XPO5: variants seen among roughly 807,000 people sequenced by gnomAD.
XPO5 encodes exportin-5.
Under a neutral mutation model 160.6 loss-of-function variants are expected in XPO5, and 46 were observed. The ratio of observed to expected loss-of-function variants is 0.29; its 90% confidence interval spans 0.23 to 0.37. The LOEUF (loss-of-function observed/expected upper bound fraction) is 0.37. Ranked by LOEUF, XPO5 falls within the 10% of genes least tolerant of loss-of-function variation. The pLI, the probability that XPO5 is intolerant of heterozygous loss-of-function variation, is 1.00. For missense variants in XPO5, 1,090 were observed against 1,463.9 expected (o/e 0.74, Z 4.17); for synonymous variants, 537 against 519.3 (o/e 1.03, Z -0.46).
chr6:43,552,728 C>T (rs964539640), intron 14 of XPO5, among the ~76,000 whole-genome samples: 1 of 152,120 alleles, frequency 6.6e-6, no homozygotes, highest in African/African-American at 2.4e-5. Flanking sequence ...TTTAGTAAAT[C>T]CTCATCTGCC....
chr6:43,529,909 C>A (rs1310005886), intron 23 of XPO5, among the ~76,000 whole-genome samples: 988 of 96,892 alleles, frequency 0.01, no homozygotes, highest in East Asian at 0.014. Flanking sequence ...GACCCTGTCT[C>A]AAAAAAAAAA....
Position 43,560,183 on chromosome 6 carries a change from C to A in XPO5, c.1216G>T (p.Val406Phe). The change falls in exon 11 of 32, where the codon GTC becomes TTC. Residue 406 changes from valine (V) to phenylalanine (F), a missense_variant. By Grantham distance (50) the Val-to-Phe change is conservative (BLOSUM62 -1). Coordinates refer to ENST00000265351, the MANE Select transcript of XPO5 (RefSeq NM_020750.3). Reference protein sequence around the residue: ...KYLRASMTNLVKMGFPSKTDS... With the variant: ...KYLRASMTNLFKMGFPSKTDS... ...TTTAGATTCCCATTATATACCTTGACCAAGTTAGTCATGGAAGCACGAAGA... is the reference window on the plus strand; with the variant it reads ...TTTAGATTCCCATTATATACCTTGAACAAGTTAGTCATGGAAGCACGAAGA... The A allele has an allele frequency of 6.2e-7, 1 of 1,612,526 alleles. No individual in the cohort carries two copies. The highest frequency in any genetic ancestry group is 8.5e-7 in the Non-Finnish European group (1 of 1,179,162).
chr6:43,525,582 T>G (rs1793533249), intron 28 of XPO5: 2 of 530,990 alleles, frequency 3.8e-6, no homozygotes, highest in Non-Finnish European at 6.6e-6. Flanking sequence ...AGGCCTGGCT[T>G]GGGGAGGCTA....
intron 28 of XPO5, 158 bp downstream of exon 28, chr6:43,525,681 C>T: frequency 1.4e-6 from 1 of 737,892 alleles, no homozygotes; most frequent in Non-Finnish European, 2.2e-6. Flanking sequence ...TGGCATTGCA[C>T]CTTTTCCCTC....
chr6:43,531,581 G>A lies in XPO5; in HGVS notation c.2444-6C>T. On this transcript the variant is annotated splice_polypyrimidine_tract_variant and splice_region_variant and intron_variant, in intron 21 of 31. Coordinates refer to ENST00000265351, the MANE Select transcript of XPO5 (RefSeq NM_020750.3). ...CAAGAGAGGTTGAGGTAATCCTACAGGGAAATACGGGTCAAGAACATGATG... is the reference window on the plus strand; with the variant it reads ...CAAGAGAGGTTGAGGTAATCCTACAAGGAAATACGGGTCAAGAACATGATG... 1 of 1,608,898 alleles carries A rather than the reference G, an allele frequency of 6.2e-7. No individual in the cohort carries two copies. Among genetic ancestry groups the A allele is most frequent in the Non-Finnish European group, 8.5e-7 (1 of 1,175,290 alleles).
rs541644478 is a variant in XPO5 at position 43,553,596 on chromosome 6, C to G, written c.1442-93G>C. ...CAGAAGACACAGAGAGACAATGGAGCCTTAGAGAACACCTGAGAATTTCAT... is the reference window on the plus strand; with the variant it reads ...CAGAAGACACAGAGAGACAATGGAGGCTTAGAGAACACCTGAGAATTTCAT... On this transcript the variant is annotated intron_variant, in intron 13 of 31. Coordinates refer to ENST00000265351, the MANE Select transcript of XPO5 (RefSeq NM_020750.3). 8.9e-6 allele frequency: 13 copies of G among 1,467,070 alleles called. No individual in the cohort carries two copies. The East Asian group carries it at 2.5e-4, about 29-fold the overall frequency. 90.9% of individuals were successfully genotyped at this position (1,467,070 alleles called of 1,614,324 possible).
At chr6:43,567,071 C>A in intron 7 of XPO5, 98 bp downstream of exon 7, 1 of 1,360,902 alleles carries the variant, frequency 7.3e-7, no homozygotes, top group South Asian at 1.6e-5. Context: ...GGAAAAAAAC[C>A]CAAACCTTTA....
chr6:43,569,032 C>T (rs1048151906), intron 5 of XPO5, among the ~76,000 whole-genome samples: 1 of 152,152 alleles, frequency 6.6e-6, no homozygotes, highest in Non-Finnish European at 1.5e-5. Context: ...GTGGCTCACG[C>T]CTGTAATCCC....
chr6:43,528,595 A>C (rs2127703446), intron 24 of XPO5, among the ~76,000 whole-genome samples: 1 of 152,126 alleles, frequency 6.6e-6, no homozygotes, highest in African/African-American at 2.4e-5. Flanking sequence ...AGTTAACAGG[A>C]GGTTAGGAGC....
At chr6:43,567,446 A>C in intron 6 of XPO5, 92 bp from the exon 7 acceptor site, 1 of 1,209,886 alleles carries the variant, frequency 8.3e-7, no homozygotes, top group Non-Finnish European at 1.1e-6. Flanking sequence ...TCTAATTCTA[A>C]GAAAATTATT....
chr6:43,525,794 C>T, intron 28 of XPO5, 45 bp downstream of exon 28: 1 of 1,592,722 alleles, frequency 6.3e-7, no homozygotes. Context: ...AGGTGACTCC[C>T]CACCTGGGCA....
chr6:43,556,114 A>G, intron 12 of XPO5, 150 bp from the exon 13 acceptor site: 2 of 1,029,042 alleles, frequency 1.9e-6, no homozygotes, highest in South Asian at 3.9e-5. Flanking sequence ...TCACTCAATA[A>G]AACTTTATTA....
At chr6:43,527,327 A>T (rs1793658869) in intron 26 of XPO5, 1 of 254,642 alleles carries the variant, frequency 3.9e-6, no homozygotes, top group Non-Finnish European at 7.7e-6. Flanking sequence ...GCTGGAGTGC[A>T]GTGGCGTGAT....
At chr6:43,534,108 G>A in intron 20 of XPO5, 101 bp from the exon 21 acceptor site, 1 of 817,024 alleles carries the variant, frequency 1.2e-6, no homozygotes, top group Non-Finnish European at 1.9e-6. Context: ...ACACAGATCT[G>A]CCCATCAACT....
At chr6:43,531,624 T>C in intron 21 of XPO5, 49 bp from the exon 22 acceptor site, 1 of 1,507,856 alleles carries the variant, frequency 6.6e-7, no homozygotes, top group Non-Finnish European at 9.2e-7. Context: ...GTCAGGAGTC[T>C]CAATTGGCCA....
At chr6:43,568,921 G>C (rs1179151871) in intron 5 of XPO5, among the ~76,000 whole-genome samples, 184 bp from the exon 6 acceptor site, 1 of 152,226 alleles carries the variant, frequency 6.6e-6, no homozygotes, top group East Asian at 1.9e-4. Context: ...AACAAGTAAA[G>C]TCAGAAGCAT....
At chr6:43,575,627 G>T in intron 1 of XPO5, 133 bp downstream of exon 1, 1 of 723,014 alleles carries the variant, frequency 1.4e-6, no homozygotes, top group Non-Finnish European at 2.2e-6. Flanking sequence ...GCGAGGGGAA[G>T]GTCCCGGGGA....
chr6:43,525,248 AAAG>A, intron 28 of XPO5, 34 bp from the exon 29 acceptor site: 10 of 1,545,338 alleles, frequency 6.5e-6, no homozygotes, highest in East Asian at 2.4e-5. Context: ...TACAATGGAA[AAAG>A]AAGCACAGTT....
At position 43,522,671 on chromosome 6, in the gene XPO5, A is replaced by G. The variant is rs1484269569; in HGVS notation, c.*1197T>C. 2.1e-6 allele frequency: 1 copy of G among 480,208 alleles called. No individual in the cohort carries two copies. Among genetic ancestry groups the G allele is most frequent in the Non-Finnish European group, 4.4e-6 (1 of 227,508 alleles). The allele number at this position is 480,208 out of a possible 1,614,324, so 29.7% of individuals were successfully genotyped here. ...ACCCTGCCTGTGGCCCGCACCAGCT[A>G]AAAACTGTAGCTTCAGTCCACTTCG... On this transcript the variant is annotated 3_prime_UTR_variant, in exon 32 of 32. Transcript: ENST00000265351.
Sources: gnomAD v4.1 joint callset for allele counts (sites outside exome capture counted in the v4.1 genomes callset) on GRCh38, gnomAD v4.1.1 for gene constraint, MANE v1.5 for transcripts, NCBI Gene and HGNC (gene_info 2026-07-23, HGNC 2026-07-21) for gene names.